The following SYNE1 variants were observed in gnomAD, a reference collection of about 807,000 sequenced individuals.
The protein encoded by SYNE1 is nesprin-1.
SYNE1 carries 616 observed loss-of-function variants against 1,111.0 expected under a neutral mutation model. The ratio of observed to expected loss-of-function variants is 0.55; its 90% CI spans 0.52 to 0.59. The LOEUF is 0.59. Among genes scored for constraint, SYNE1 ranks in the 20% least tolerant of loss-of-function variants. The pLI, the probability that SYNE1 is intolerant of heterozygous loss-of-function variation, is 0.00. For synonymous variants in SYNE1, 3,855 were observed against 3,825.8 expected (o/e 1.01, Z -0.28); for missense variants, 10,006 against 10,417.0 (o/e 0.96, Z 1.72).
intron 103 of SYNE1, 50 bp from the exon 104 acceptor site, chr6:152,255,139 A>T (rs1458010674): frequency 7.1e-7 from 1 of 1,408,310 alleles, no homozygotes; most frequent in South Asian, 1.2e-5. Context: ...ATGAATTGAT[A>T]TGCAAATCAT....
At chr6:152,154,116 A>G (rs905388607) in intron 133 of SYNE1, among the ~76,000 whole-genome samples, 1 of 152,172 alleles carries the variant, frequency 6.6e-6, no homozygotes, top group African/African-American at 2.4e-5. Context: ...ATTAGTGGGA[A>G]CTGAAGGGAA....
At chr6:152,373,259 T>G in intron 58 of SYNE1, 40 bp from the exon 59 acceptor site, 11 of 1,552,458 alleles carry the variant, frequency 7.1e-6, no homozygotes, top group Non-Finnish European at 9.6e-6. Flanking sequence ...ATGAAAATAT[T>G]GTGTGTTGTT....
In SYNE1 at chr6:152,234,552, A is replaced by T; in HGVS notation, c.20529+116T>A. 4 of 1,247,660 alleles carry T rather than the reference A, an allele frequency of 3.2e-6. No individual in the cohort carries two copies. In the South Asian group the frequency reaches 3.6e-5, roughly 11 times the overall value. 77.3% of individuals were successfully genotyped at this position (1,247,660 alleles called of 1,614,324 possible). ...TCGTGATCTGACTGCTTGGCCTCCCAAAGTGTGGGATTACAGGTGTGAGCC... is the reference window on the plus strand; with the variant it reads ...TCGTGATCTGACTGCTTGGCCTCCCTAAGTGTGGGATTACAGGTGTGAGCC... On this transcript the variant is annotated intron_variant, in intron 111 of 145. Transcript: ENST00000367255.
chr6:152,218,317 C>T lies in SYNE1; in HGVS notation c.22131G>A (p.Gly7377=), dbSNP rs1419205712. 6.2e-7 allele frequency: 1 copy of T among 1,614,036 alleles called. No individual in the cohort carries two copies. The highest frequency in any genetic ancestry group is 1.1e-5 in the South Asian group (1 of 91,076). Residue 7377 remains glycine (G), a synonymous_variant, in exon 121 of 146, where the codon GGG becomes GGA. Transcript: ENST00000367255. The part of the protein sequence containing the change: ...WIVEAEEILQ[G]QDPSHSSDLS... ...GGTCAGATGAGTGGCTAGGGTCCTG[C>T]CCTTGTAGTATTTCTTCAGCTTCCA... is the stretch of plus-strand genomic sequence containing the variant.
intron 95 of SYNE1, among the ~76,000 whole-genome samples, chr6:152,286,318 C>T (rs2094325298): frequency 6.6e-6 from 1 of 152,120 alleles, no homozygotes; most frequent in African/African-American, 2.4e-5. Context: ...AAAATCACCA[C>T]TGTGTTAACT....
intron 3 of SYNE1, among the ~76,000 whole-genome samples, chr6:152,585,485 C>T (rs2128463420): frequency 6.6e-6 from 1 of 152,266 alleles, no homozygotes; most frequent in African/African-American, 2.4e-5. Context: ...CAGATGTTTT[C>T]GTCTTTTGCC....
intron 3 of SYNE1, among the ~76,000 whole-genome samples, chr6:152,589,702 C>T (rs867091968): frequency 1.3e-5 from 2 of 152,090 alleles, no homozygotes; most frequent in Non-Finnish European, 2.9e-5. Context: ...AGCAAAGGCC[C>T]GGCATAACCA....
At chr6:152,129,390 T>A (rs1442188583) in intron 145 of SYNE1, 1 of 152,154 alleles carries the variant, frequency 6.6e-6, no homozygotes, top group African/African-American at 2.4e-5. Context: ...CATCAGCAAT[T>A]TGTGGGGAAA....
At chr6:152,344,762 A>G (rs2096601536) in intron 73 of SYNE1, among the ~76,000 whole-genome samples, 1 of 152,218 alleles carries the variant, frequency 6.6e-6, no homozygotes, top group Non-Finnish European at 1.5e-5. Flanking sequence ...CTTAGAAGTT[A>G]TGTTCCAGGG....
intron 87 of SYNE1, among the ~76,000 whole-genome samples, chr6:152,312,910 C>G (rs1338241048): frequency 1.3e-5 from 2 of 152,074 alleles, no homozygotes; most frequent in East Asian, 3.9e-4. Context: ...GTTCTTGAAT[C>G]TTGTGCAAGA....
At chr6:152,158,984 G>T (rs1396320294) in intron 131 of SYNE1, among the ~76,000 whole-genome samples, 1 of 152,082 alleles carries the variant, frequency 6.6e-6, no homozygotes, top group African/African-American at 2.4e-5. Flanking sequence ...ACGGAGTCTC[G>T]CTCTGTCTGC....
chr6:152,343,766 C>G (rs2096581664), intron 74 of SYNE1, among the ~76,000 whole-genome samples: 1 of 152,006 alleles, frequency 6.6e-6, no homozygotes, highest in Admixed American at 6.6e-5. Context: ...TGGGGTTTCA[C>G]CATGTTGGCC....
chr6:152,531,046 T>A (rs2099197372), intron 4 of SYNE1, among the ~76,000 whole-genome samples: 1 of 152,168 alleles, frequency 6.6e-6, no homozygotes, highest in South Asian at 2.1e-4. Context: ...GGTTATCAGA[T>A]CAACTGCCTC....
At chr6:152,219,877 T>C (rs551474160) in intron 119 of SYNE1, among the ~76,000 whole-genome samples, 1 of 152,312 alleles carries the variant, frequency 6.6e-6, no homozygotes, top group East Asian at 1.9e-4. Context: ...TATCCTATCA[T>C]TGAGAGATAA....
chr6:152,384,677 A>C (rs530834007), intron 55 of SYNE1, among the ~76,000 whole-genome samples: 2 of 152,228 alleles, frequency 1.3e-5, no homozygotes, highest in East Asian at 3.9e-4. Flanking sequence ...GGAGTTTGAG[A>C]TCAGCCTGGC....
intron 101 of SYNE1, among the ~76,000 whole-genome samples, chr6:152,261,031 A>C (rs962316861): frequency 1.3e-5 from 2 of 152,044 alleles, no homozygotes; most frequent in Non-Finnish European, 2.9e-5. Flanking sequence ...CTGCTTTCTA[A>C]TGCCTACTTT....
chr6:152,494,808 A>G (rs1322404479), intron 11 of SYNE1, among the ~76,000 whole-genome samples: 1 of 152,198 alleles, frequency 6.6e-6, no homozygotes, highest in Non-Finnish European at 1.5e-5. Flanking sequence ...TGCAAAGGCC[A>G]TCAAAAAGCC....
At chr6:152,537,747 T>C (rs1485107903) in intron 4 of SYNE1, among the ~76,000 whole-genome samples, 1 of 152,196 alleles carries the variant, frequency 6.6e-6, no homozygotes, top group Non-Finnish European at 1.5e-5. Context: ...CTTTTCCTAA[T>C]TGAATACCCT....
At chr6:152,559,040 A>G (rs1286802032) in intron 3 of SYNE1, among the ~76,000 whole-genome samples, 2 of 99,192 alleles carry the variant, frequency 2.0e-5, no homozygotes, top group African/African-American at 8.2e-5. Flanking sequence ...AGAGGGTCGC[A>G]TCTGTTGCCT....
Sources: gnomAD v4.1 joint callset for allele counts (sites outside exome capture counted in the v4.1 genomes callset) on GRCh38, gnomAD v4.1.1 for gene constraint, MANE v1.5 for transcripts, NCBI Gene and HGNC (gene_info 2026-07-23, HGNC 2026-07-21) for gene names.